Variants in CT47B1 observed in about 807,000 individuals in gnomAD.
The protein encoded by CT47B1 is cancer/testis antigen family 47 member B1.
A neutral mutation model predicts 12.8 loss-of-function variants in CT47B1; 24 were observed. The ratio of observed to expected loss-of-function variants is 1.87; its 90% CI spans 1.36 to 2.63. CT47B1 has a LOEUF of 2.63. CT47B1 is among the 30% of genes most tolerant of loss of function. The pLI is 0.00. For missense variants in CT47B1, 523 were observed against 271.3 expected, an observed-to-expected ratio of 1.93 and a Z score of -6.52; for synonymous variants, 228 against 133.3, an observed-to-expected ratio of 1.71 and a Z score of -4.89.
At position 120,875,544 on chromosome X, in the gene CT47B1, T is replaced by G. The variant is rs752691148; in HGVS notation, c.127A>C (p.Ser43Arg). 5 of 1,192,560 alleles carry G rather than the reference T, an allele frequency of 4.2e-6. No homozygotes were observed. The African/African-American group carries it at 8.9e-5, about 21-fold the overall frequency. The change falls in exon 1 of 3, where the codon AGC (serine) becomes CGC (arginine). Residue 43 changes from serine to arginine, a missense_variant. Transcript: ENST00000371311. ...ACCTCGGCCGCAGGCACCATGTCGC[T>G]GCTGTCGGGGCCGGAGTCGCCGCCC... ...QEGGDSGPDS[S>R]DMVPAAEVVG...
Position 120,875,138 on chromosome X carries a change from C to T in CT47B1, c.533G>A (p.Gly178Glu), listed in dbSNP as rs759523893. Residue 178 changes from glycine to glutamate, a missense_variant, in exon 1 of 3, where the codon GGG becomes GAG. By Grantham distance (98) the Gly-to-Glu change is moderately conservative (BLOSUM62 -2). Transcript: ENST00000371311. ...LLLLSQRLGA[G>E]AAAPEGEGLG... The stretch of plus-strand genomic sequence containing the variant: ...GCCCTCGCCTTCTGGGGCTGCAGCC[C>T]CTGCACCCAGCCTCTGGGACAGCAG... The T allele has an allele frequency of 8.3e-7, 1 of 1,210,608 alleles. No individual in the cohort carries two copies. Among genetic ancestry groups the T allele is most frequent in the Non-Finnish European group, 1.1e-6 (1 of 894,773 alleles).
Position 120,875,371 on chromosome X carries a change from C to G in CT47B1, c.300G>C (p.Gly100=). 2 of 1,209,325 alleles carry G rather than the reference C, an allele frequency of 1.7e-6. No individual in the cohort carries two copies. The highest frequency in any genetic ancestry group is 1.8e-5 in the South Asian group (1 of 56,835). The change falls in exon 1 of 3, where the codon GGG becomes GGC. Residue 100 remains glycine (G), a synonymous_variant. Transcript: ENST00000371311. ...CCAAGTCGAAGTTGGCCGCCTCGTTCCCCTCTTCCTCCTCCTCCTCTTCCT... is the reference window on the plus strand; with the variant it reads ...CCAAGTCGAAGTTGGCCGCCTCGTTGCCCTCTTCCTCCTCCTCCTCTTCCT... ...ATEEEEEEEE[G]NEAANFDLAV...
rs765464700 is a variant in CT47B1, at chrX:120,875,005, G to C, written c.666C>G (p.Ala222=). 8.3e-7 allele frequency: 1 copy of C among 1,208,677 alleles called. No homozygotes were observed. The highest frequency in any genetic ancestry group is 1.7e-5 in the African/African-American group (1 of 57,306). ...CCTCCTCTGGGGGTTTCTCATCTGC[G>C]GCCTCCTCCGCGGGCTCCCTGGCCA... ...AEMAREPAEE[A]ADEKPPEEAA... The change falls in exon 1 of 3, where the codon GCC becomes GCG. Residue 222 remains alanine (A), a synonymous_variant. Coordinates refer to ENST00000371311, the MANE Select transcript of CT47B1 (RefSeq NM_001145718.3).
chrX:120,874,663 T>A (rs1176984691), intron 1 of CT47B1, among the ~76,000 whole-genome samples: 1 of 111,027 alleles, frequency 9.0e-6, no homozygotes, highest in Non-Finnish European at 1.9e-5. Flanking sequence ...TATAGGTTGG[T>A]AGAGGGCGGC....
rs184565213 is a variant in CT47B1, at chrX:120,875,101, G to C, written c.570C>G (p.Ile190Met). ...CCTCCTGGACCGACGCAGCCTCCTG[G>C]ATCAGGCCGAGGCCCTCGCCTTCTG... ...AAPEGEGLGL[I>M]QEAASVQEAA... The change falls in exon 1 of 3, where the codon ATC becomes ATG. Residue 190 changes from isoleucine to methionine, a missense_variant. Physicochemically the swap from Ile to Met is conservative, Grantham distance 10. Transcript: ENST00000371311. 4 of 1,208,376 alleles carry C rather than the reference G, an allele frequency of 3.3e-6. No individual in the cohort carries two copies. Among genetic ancestry groups the C allele is most frequent in the African/African-American group, 3.5e-5 (2 of 57,329 alleles).
In CT47B1 at chrX:120,875,246, T is replaced by C. The variant is rs760445575; in HGVS notation, c.425A>G (p.Gln142Arg). 3 of 1,211,240 alleles carry C rather than the reference T, an allele frequency of 2.5e-6. No homozygotes were observed. Among genetic ancestry groups the C allele is most frequent in the Non-Finnish European group, 3.4e-6 (3 of 894,836 alleles). Residue 142 changes from glutamine (Q) to arginine (R), a missense_variant, in exon 1 of 3, where the codon CAG becomes CGG. Transcript: ENST00000371311. ...GCGGCTGAGGTGACGGTTCGCTATC[T>C]GGATGTGGTCGTTGTGATAGAGGCG... Reference protein sequence around the residue: ...LRRLYHNDHIQIANRHLSRLM... With the variant: ...LRRLYHNDHIRIANRHLSRLM...
chrX:120,874,453 T>C lies in CT47B1; in HGVS notation c.776-433A>G, dbSNP rs762300595. Among the ~76,000 whole-genome samples the C allele has an allele frequency of 1.6e-3, 183 of 111,172 alleles. 1 individual carries two copies. The highest frequency in any genetic ancestry group is 5.3e-3 in the African/African-American group (162 of 30,614). Reference sequence around the variant, plus strand: ...GTTTCATTTTTACCAAGTGCTCCTGTATCACTTCATCATTTGGGGGATCAA... The same window carrying C: ...GTTTCATTTTTACCAAGTGCTCCTGCATCACTTCATCATTTGGGGGATCAA... On this transcript the variant is annotated intron_variant, in intron 1 of 2. Transcript: ENST00000371311.
rs368291805 is a variant in CT47B1 at position 120,875,260 on chromosome X, G to C, written c.411C>G (p.His137Gln). 3 of 1,210,388 alleles carry C rather than the reference G, an allele frequency of 2.5e-6. No homozygotes were observed. Among genetic ancestry groups the C allele is most frequent in the South Asian group, 1.8e-5 (1 of 56,893 alleles). The change falls in exon 1 of 3, where the codon CAC (histidine) becomes CAG (glutamine). Residue 137 changes from histidine to glutamine, a missense_variant. Physicochemically the swap from His to Gln is conservative, Grantham distance 24. Coordinates refer to ENST00000371311, the MANE Select transcript of CT47B1 (RefSeq NM_001145718.3). ...LVHSLLRRLY[H>Q]NDHIQIANRH... ...GGTTCGCTATCTGGATGTGGTCGTT[G>C]TGATAGAGGCGGCGGAGAAGGGAGT...
rs747569404 is a variant in CT47B1, at chrX:120,875,434, C to T, written c.237G>A (p.Gly79=). Residue 79 remains glycine, a synonymous_variant, in exon 1 of 3, where the codon GGG becomes GGA. Transcript: ENST00000371311. ...AAGLAAVPQG[G]SAEEDSDIGP... Reference sequence around the variant, plus strand: ...CGATATCTGAGTCCTCCTCGGCGCTCCCGCCCTGGGGGACTGCGGCCAGGC... The same window carrying T: ...CGATATCTGAGTCCTCCTCGGCGCTTCCGCCCTGGGGGACTGCGGCCAGGC... 3.3e-6 allele frequency: 4 copies of T among 1,206,402 alleles called. No homozygotes were observed. The African/African-American group carries it at 5.2e-5, about 16-fold the overall frequency.
rs763767698 is a variant in CT47B1 at position 120,875,203 on chromosome X, G to A, written c.468C>T (p.His156=). 5.0e-6 allele frequency: 6 copies of A among 1,210,184 alleles called. No homozygotes were observed. Among genetic ancestry groups the A allele is most frequent in the Admixed American group, 2.2e-5 (1 of 45,997 alleles). The change falls in exon 1 of 3, where the codon CAC becomes CAT. Residue 156 remains histidine, a synonymous_variant. Transcript: ENST00000371311. ...RHLSRLMVGP[H]AAVPNLWDNP... ...TGTCCCAGAGGTTGGGCACAGCAGC[G>A]TGGGGCCCCACCATCAGGCGGCTGA...
Position 120,875,064 on chromosome X carries a change from G to C in CT47B1, c.607C>G (p.Pro203Ala). The C allele has an allele frequency of 1.7e-6, 2 of 1,209,141 alleles. No individual in the cohort carries two copies. Among genetic ancestry groups the C allele is most frequent in the Non-Finnish European group, 2.2e-6 (2 of 894,512 alleles). Residue 203 changes from proline (P) to alanine (A), a missense_variant, in exon 1 of 3, where the codon CCA becomes GCA. Coordinates refer to ENST00000371311, the MANE Select transcript of CT47B1 (RefSeq NM_001145718.3). ...AGGTCAGCTGGCACTGCAGGCTCTG[G>C]GACCGACGCGGCCTCCTGGACCGAC... ...AASVQEAASV[P>A]EPAVPADLAE...
rs1884840724 is a variant in CT47B1, at chrX:120,875,614, G to T, written c.57C>A (p.Ser19Arg). ...CCGCCTCGGCCTGTGCTCCCTCCTG[G>T]CTTACCGGGGCCTCCTGGTCCCCTT... ...PTQGDQEAPV[S>R]QEGAQAEAAG... Residue 19 changes from serine (S) to arginine (R), a missense_variant, in exon 1 of 3, where the codon AGC becomes AGA. Physicochemically the swap from Ser to Arg is moderately radical, Grantham distance 110. Transcript: ENST00000371311. 1 of 1,070,539 alleles carries T rather than the reference G, an allele frequency of 9.3e-7. No homozygotes were observed. The highest frequency in any genetic ancestry group is 1.9e-5 in the African/African-American group (1 of 51,429). 88.2% of individuals were successfully genotyped at this position (1,070,539 alleles called of 1,213,427 possible). A position where few individuals can be genotyped will look rare whatever the true frequency, so the allele number is the denominator to read the frequency against.
At chrX:120,874,840 A>T (rs1923876732) in intron 1 of CT47B1, 56 bp downstream of exon 1, 3 of 1,193,240 alleles carry the variant, frequency 2.5e-6, no homozygotes, top group South Asian at 3.6e-5. Context: ...AGCCCTGCCC[A>T]GAGCCCTTGG....
rs1231166422 is a variant in CT47B1 at position 120,875,326 on chromosome X, G to A, written c.345C>T (p.Tyr115=). ...NFDLAVATRR[Y]PAAGIGFVFL... ...ACACGAAGCCAATGCCCGCCGCCGG[G>A]TACCGACGGGTGGCCACCGCCAAGT... The change falls in exon 1 of 3, where the codon TAC becomes TAT. Residue 115 remains tyrosine, a synonymous_variant. Transcript: ENST00000371311. The A allele has an allele frequency of 5.0e-6, 6 of 1,210,878 alleles. No individual in the cohort carries two copies. Among genetic ancestry groups the A allele is most frequent in the Non-Finnish European group, 5.6e-6 (5 of 894,714 alleles).
At chrX:120,873,285 A>G (rs1253370663) in intron 2 of CT47B1, among the ~76,000 whole-genome samples, 1 of 101,184 alleles carries the variant, frequency 9.9e-6, no homozygotes, top group Non-Finnish European at 2.2e-5. Context: ...CTTCATTACC[A>G]ATTCAGTGAT....
chrX:120,875,206 G>A lies in CT47B1; in HGVS notation c.465C>T (p.Pro155=). ...CCCAGAGGTTGGGCACAGCAGCGTGGGGCCCCACCATCAGGCGGCTGAGGT... is the reference window on the plus strand; with the variant it reads ...CCCAGAGGTTGGGCACAGCAGCGTGAGGCCCCACCATCAGGCGGCTGAGGT... ...NRHLSRLMVG[P]HAAVPNLWDN... Residue 155 remains proline, a synonymous_variant, in exon 1 of 3, where the codon CCC becomes CCT. Coordinates refer to ENST00000371311, the MANE Select transcript of CT47B1 (RefSeq NM_001145718.3). 2 of 1,211,380 alleles carry A rather than the reference G, an allele frequency of 1.7e-6. No individual in the cohort carries two copies. The highest frequency in any genetic ancestry group is 2.2e-6 in the Non-Finnish European group (2 of 894,896).
chrX:120,875,455 C>A lies in CT47B1; in HGVS notation c.216G>T (p.Leu72=). The part of the protein sequence containing the change: ...GEEEGEQAAG[L]AAVPQGGSAE... Reference sequence around the variant, plus strand: ...CGCTCCCGCCCTGGGGGACTGCGGCCAGGCCTGCCGCCTGCTCACCCTCCT... The same window carrying A: ...CGCTCCCGCCCTGGGGGACTGCGGCAAGGCCTGCCGCCTGCTCACCCTCCT... Residue 72 remains leucine (L), a synonymous_variant, in exon 1 of 3, where the codon CTG becomes CTT. Coordinates refer to ENST00000371311, the MANE Select transcript of CT47B1 (RefSeq NM_001145718.3). The A allele has an allele frequency of 8.3e-7, 1 of 1,206,045 alleles. No individual in the cohort carries two copies. Among genetic ancestry groups the A allele is most frequent in the Non-Finnish European group, 1.1e-6 (1 of 894,285 alleles).
In CT47B1 at chrX:120,874,931, T is replaced by G. The variant is rs1294481825; in HGVS notation, c.740A>C (p.Glu247Ala). ...TEEATEEPAA[E>A]EPTSEEAVAP... ...CACGGCCTCCTCTGAGGTCGGTTCC[T>G]CTGCGGCCGGTTCCTCTGTGGCCTC... The change falls in exon 1 of 3, where the codon GAG becomes GCG. Residue 247 changes from glutamate to alanine, a missense_variant. Glu to Ala is a moderately radical substitution (Grantham distance 107, BLOSUM62 -1). Coordinates refer to ENST00000371311, the MANE Select transcript of CT47B1 (RefSeq NM_001145718.3). The G allele has an allele frequency of 2.5e-6, 3 of 1,208,602 alleles. No individual in the cohort carries two copies. The highest frequency in any genetic ancestry group is 3.4e-6 in the Non-Finnish European group (3 of 894,501).
intron 1 of CT47B1, 35 bp downstream of exon 1, chrX:120,874,861 C>G: frequency 5.8e-6 from 7 of 1,200,778 alleles, no homozygotes; most frequent in Non-Finnish European, 6.7e-6. Context: ...ACACATGGAT[C>G]CCCGCTTCCC....
Sources: gnomAD v4.1 joint callset for allele counts (sites outside exome capture counted in the v4.1 genomes callset) on GRCh38, gnomAD v4.1.1 for gene constraint, MANE v1.5 for transcripts, NCBI Gene and HGNC (gene_info 2026-07-23, HGNC 2026-07-21) for gene names.